IPO4: variants seen among roughly 807,000 people sequenced by gnomAD.
IPO4 encodes the protein importin-4.
In IPO4, 91 loss-of-function variants were observed where a neutral mutation model predicts 133.5. The observed-to-expected ratio is 0.68, with a 90% CI of 0.58 to 0.81. IPO4 has a LOEUF of 0.81. Ranked by LOEUF, IPO4 falls within the 30% of genes least tolerant of loss-of-function variation. The probability of loss-of-function intolerance (pLI) is 0.00; values close to 1 mark genes in which losing one functional copy is unlikely to be tolerated. For missense variants in IPO4, 1,279 were observed against 1,386.2 expected (o/e 0.92, Z 1.23); for synonymous variants, 607 against 581.6 (o/e 1.04, Z -0.63).
intron 4 of IPO4, 24 bp from the exon 5 acceptor site, chr14:24,187,820 C>A: frequency 6.2e-7 from 1 of 1,613,546 alleles, no homozygotes; most frequent in Non-Finnish European, 8.5e-7. Context: ...AGATCTCCTC[C>A]AATCACCCTT....
chr14:24,180,425 T>C lies in IPO4; in HGVS notation c.*17A>G, dbSNP rs765224477. ...TGGGCAGGCTCTATTCTCTCTGGAC[T>C]GGCTGCAGCCTGCAGTCTAGGAGAG... On this transcript the variant is annotated 3_prime_UTR_variant, in exon 30 of 30. Transcript: ENST00000354464. The C allele has an allele frequency of 3.4e-5, 54 of 1,600,684 alleles. No individual in the cohort carries two copies. Among genetic ancestry groups the C allele is most frequent in the Non-Finnish European group, 8.5e-7 (1 of 1,170,364 alleles).
In IPO4 at chr14:24,182,476, C is replaced by A. The variant is rs536920964; in HGVS notation, c.2473-73G>T. The A allele has an allele frequency of 2.6e-6, 4 of 1,552,304 alleles. No homozygotes were observed. In the South Asian group the frequency reaches 4.7e-5, roughly 18 times the overall value. ...TGTACACCTCCCTCCCACGCTCTGC[C>A]ACCAGCTGCAGGGGTCCCTGGGGCT... On this transcript the variant is annotated intron_variant, in intron 24 of 29. Coordinates refer to ENST00000354464, the MANE Select transcript of IPO4 (RefSeq NM_024658.4).
In IPO4 at chr14:24,183,051, A is replaced by T. The variant is rs764297005; in HGVS notation, c.2346T>A (p.Cys782Ter). ...CAGGGGGCTTCAGTGTGAGGGTCCC[A>T]CAGCTGCGGAGCACCCCTGTCAGGG... ...LEALTGVLRS[C>*]GTLTLKPPGR... Residue 782 changes from cysteine (C) to a stop codon, truncating the protein, a stop_gained, in exon 23 of 30, where the codon TGT (cysteine) becomes TGA (stop). Coordinates refer to ENST00000354464, the MANE Select transcript of IPO4 (RefSeq NM_024658.4). LOFTEE classifies it high-confidence loss of function. 9 of 1,613,798 alleles carry T rather than the reference A, an allele frequency of 5.6e-6. No individual in the cohort carries two copies. The highest frequency in any genetic ancestry group is 7.6e-6 in the Non-Finnish European group (9 of 1,180,026).
chr14:24,180,288 G>T lies in IPO4; in HGVS notation c.*154C>A, dbSNP rs1318315735. 6.6e-7 allele frequency: 1 copy of T among 1,523,420 alleles called. No individual in the cohort carries two copies. The highest frequency in any genetic ancestry group is 1.4e-5 in the African/African-American group (1 of 72,796). The allele number at this position is 1,523,420 out of a possible 1,614,324, so 94.4% of individuals were successfully genotyped here. On this transcript the variant is annotated 3_prime_UTR_variant, in exon 30 of 30. Transcript: ENST00000354464. Reference sequence around the variant, plus strand: ...TCATGACTCATTTGTAACAGATCCAGCCTCAGGGACAGCCCTGTAAGGCAG... The same window carrying T: ...TCATGACTCATTTGTAACAGATCCATCCTCAGGGACAGCCCTGTAAGGCAG...
intron 10 of IPO4, 27 bp downstream of exon 10, chr14:24,186,260 C>A: frequency 6.2e-7 from 1 of 1,602,432 alleles, no homozygotes; most frequent in South Asian, 1.1e-5. Context: ...CTAACACCTT[C>A]CCCCTCTGTC....
In IPO4 at chr14:24,187,841, C is replaced by T. The variant is rs372075099; in HGVS notation, c.279-45G>A. 5 of 1,609,556 alleles carry T rather than the reference C, an allele frequency of 3.1e-6. No individual in the cohort carries two copies. The East Asian group carries it at 8.9e-5, about 29-fold the overall frequency. On this transcript the variant is annotated intron_variant, in intron 4 of 29. Transcript: ENST00000354464. ...CCTCCAATCACCCTTCAATACCTTC[C>T]TCTGCACACAGTGGCCAGGCTCAAT...
chr14:24,183,460 A>T lies in IPO4; in HGVS notation c.2117T>A (p.Leu706Gln). The part of the protein sequence containing the change: ...ESVFEEVFKL[L>Q]ECPHLNVRKA... Reference sequence around the variant, plus strand: ...TCCACCCGCCGGCCCGCTCACCTCCAGCAGTTTAAATACTTCTTCAAAGAC... The same window carrying T: ...TCCACCCGCCGGCCCGCTCACCTCCTGCAGTTTAAATACTTCTTCAAAGAC... The change falls in exon 21 of 30, where the codon CTG (leucine) becomes CAG (glutamine). Residue 706 changes from leucine to glutamine, a missense_variant. This residue lies in a region of IPO4 where 575 missense variants were observed against 653.4 expected (regional missense o/e 0.88). Transcript: ENST00000354464. 6.2e-7 allele frequency: 1 copy of T among 1,611,754 alleles called. No homozygotes were observed. Among genetic ancestry groups the T allele is most frequent in the Non-Finnish European group, 8.5e-7 (1 of 1,178,724 alleles).
In IPO4 at chr14:24,187,576, C is replaced by T. The variant is rs750022783; in HGVS notation, c.412G>A (p.Gly138Arg). The T allele has an allele frequency of 1.1e-5, 17 of 1,614,028 alleles. No individual in the cohort carries two copies. The highest frequency in any genetic ancestry group is 1.4e-5 in the Non-Finnish European group (16 of 1,180,044). The part of the protein sequence containing the change: ...HSPHSPEREM[G>R]LLLLSVVVTS... Reference sequence around the variant, plus strand: ...ACCACCACACTTAGCAGCAAAAGCCCCATCTGTCCAAGAATAGAGGATGGG... The same window carrying T: ...ACCACCACACTTAGCAGCAAAAGCCTCATCTGTCCAAGAATAGAGGATGGG... Residue 138 changes from glycine (G) to arginine (R), a missense_variant, in exon 6 of 30, where the codon GGG (glycine) becomes AGG (arginine). Physicochemically the swap from Gly to Arg is moderately radical, Grantham distance 125. Around this residue, in one of 3 missense-constraint regions of IPO4, gnomAD observed 695 missense variants for 704.1 expected, o/e 0.99. Coordinates refer to ENST00000354464, the MANE Select transcript of IPO4 (RefSeq NM_024658.4).
chr14:24,182,374 G>C lies in IPO4; in HGVS notation c.2502C>G (p.His834Gln). The change falls in exon 25 of 30, where the codon CAC (histidine) becomes CAG (glutamine). Residue 834 changes from histidine (H) to glutamine (Q), a missense_variant. By Grantham distance (24) the His-to-Gln change is conservative. Coordinates refer to ENST00000354464, the MANE Select transcript of IPO4 (RefSeq NM_024658.4). ...CCAGGGCAGGGATGGCCTCTCCAGCGTGCTCCAGCAACATGGCGTCGTATT... is the reference window on the plus strand; with the variant it reads ...CCAGGGCAGGGATGGCCTCTCCAGCCTGCTCCAGCAACATGGCGTCGTATT... ...QAEYDAMLLE[H>Q]AGEAIPALAA... is the part of the protein sequence containing the mutation. The C allele has an allele frequency of 1.2e-6, 2 of 1,613,212 alleles. No individual in the cohort carries two copies. Among genetic ancestry groups the C allele is most frequent in the Non-Finnish European group, 1.7e-6 (2 of 1,179,654 alleles).
At position 24,181,863 on chromosome 14, in the gene IPO4, T is replaced by C. The variant is rs2039142582; in HGVS notation, c.2808-20A>G. ...AAGTGTCTGGTCCACAGTCAAGGAATGGCCACACGCTCAGGTAGACCTTGC... is the reference window on the plus strand; with the variant it reads ...AAGTGTCTGGTCCACAGTCAAGGAACGGCCACACGCTCAGGTAGACCTTGC... On this transcript the variant is annotated intron_variant, in intron 26 of 29. Coordinates refer to ENST00000354464, the MANE Select transcript of IPO4 (RefSeq NM_024658.4). The C allele has an allele frequency of 1.2e-6, 2 of 1,600,430 alleles. No individual in the cohort carries two copies. Among genetic ancestry groups the C allele is most frequent in the African/African-American group, 2.7e-5 (2 of 74,864 alleles).
intron 24 of IPO4, 91 bp downstream of exon 24, chr14:24,182,701 G>A: frequency 4.2e-6 from 6 of 1,424,994 alleles, no homozygotes. Context: ...GGCCCTGGCT[G>A]CCCCAGGCCA....
chr14:24,183,195 C>A, intron 22 of IPO4, 26 bp from the exon 23 acceptor site: 1 of 1,610,188 alleles, frequency 6.2e-7, no homozygotes, highest in Non-Finnish European at 8.5e-7. Context: ...GCTGAAGCAC[C>A]AGTCAGGCCC....
intron 12 of IPO4, 113 bp from the exon 13 acceptor site, chr14:24,185,680 G>T (rs1370790677): frequency 9.3e-7 from 1 of 1,076,600 alleles, no homozygotes; most frequent in Non-Finnish European, 1.4e-6. Flanking sequence ...GTCACCAGAG[G>T]GTGGGCAGCA....
In IPO4 at chr14:24,182,062, C is replaced by A; in HGVS notation, c.2700G>T (p.Leu900=). Residue 900 remains leucine (L), a synonymous_variant, in exon 26 of 30, where the codon CTG becomes CTT. Transcript: ENST00000354464. The part of the protein sequence containing the change: ...GAASAQFVSR[L]LPVLLSTAQE... Reference sequence around the variant, plus strand: ...GGGCGGTGCTCAACAGCACAGGGAGCAGCCGAGACACAAACTGGGCTGAGG... The same window carrying A: ...GGGCGGTGCTCAACAGCACAGGGAGAAGCCGAGACACAAACTGGGCTGAGG... The A allele has an allele frequency of 6.2e-7, 1 of 1,613,764 alleles. No individual in the cohort carries two copies. Among genetic ancestry groups the A allele is most frequent in the Middle Eastern group, 1.6e-4 (1 of 6,062 alleles).
rs2039164734 is a variant in IPO4 at position 24,183,039 on chromosome 14, T to A, written c.2358A>T (p.Thr786=). 1 of 1,613,666 alleles carries A rather than the reference T, an allele frequency of 6.2e-7. No homozygotes were observed. The highest frequency in any genetic ancestry group is 1.3e-5 in the African/African-American group (1 of 74,914). ...CAGCGAGGCGCCCAGGGGGCTTCAGTGTGAGGGTCCCACAGCTGCGGAGCA... is the reference window on the plus strand; with the variant it reads ...CAGCGAGGCGCCCAGGGGGCTTCAGAGTGAGGGTCCCACAGCTGCGGAGCA... ...TGVLRSCGTL[T]LKPPGRLAEL... is the part of the protein sequence containing the mutation. Residue 786 remains threonine (T), a synonymous_variant, in exon 23 of 30, where the codon ACA becomes ACT. Coordinates refer to ENST00000354464, the MANE Select transcript of IPO4 (RefSeq NM_024658.4).
At position 24,183,477 on chromosome 14, in the gene IPO4, T is replaced by G. The variant is rs778973526; in HGVS notation, c.2100A>C (p.Glu700Asp). 3 of 1,613,390 alleles carry G rather than the reference T, an allele frequency of 1.9e-6. No individual in the cohort carries two copies. Among genetic ancestry groups the G allele is most frequent in the Non-Finnish European group, 2.5e-6 (3 of 1,179,682 alleles). ...AFLPYMESVF[E>D]EVFKLLECPH... ...TCACCTCCAGCAGTTTAAATACTTCTTCAAAGACACTTTCCATGTATGGAA... is the reference window on the plus strand; with the variant it reads ...TCACCTCCAGCAGTTTAAATACTTCGTCAAAGACACTTTCCATGTATGGAA... The change falls in exon 21 of 30, where the codon GAA (glutamate) becomes GAC (aspartate). Residue 700 changes from glutamate (E) to aspartate (D), a missense_variant. This residue lies in a region of IPO4 where 575 missense variants were observed against 653.4 expected (regional missense o/e 0.88). Coordinates refer to ENST00000354464, the MANE Select transcript of IPO4 (RefSeq NM_024658.4).
intron 23 of IPO4, 65 bp from the exon 24 acceptor site, chr14:24,182,907 T>C (rs911839154): frequency 6.5e-7 from 1 of 1,531,096 alleles, no homozygotes; most frequent in African/African-American, 1.4e-5. Context: ...GGGTAGGGGG[T>C]GGACTTGTAG....
chr14:24,183,827 G>A lies in IPO4; in HGVS notation c.1941C>T (p.Leu647=), dbSNP rs1594439432. The stretch of plus-strand genomic sequence containing the variant: ...CCTCTTCTTCCACATCCTCATCCAT[G>A]AGCTCCTCCTCTTCTTCCCCATCAC... ...DESDGEEEEE[L]MDEDVEEEDD... is the part of the protein sequence containing the mutation. The change falls in exon 19 of 30, where the codon CTC becomes CTT. Residue 647 remains leucine (L), a synonymous_variant. Coordinates refer to ENST00000354464, the MANE Select transcript of IPO4 (RefSeq NM_024658.4). 1.9e-6 allele frequency: 3 copies of A among 1,613,864 alleles called. No individual in the cohort carries two copies. The African/African-American group carries it at 4.0e-5, about 22-fold the overall frequency.
chr14:24,188,281 T>C (rs1488005145), intron 3 of IPO4, 24 bp from the exon 4 acceptor site: 6 of 1,613,074 alleles, frequency 3.7e-6, no homozygotes, highest in Non-Finnish European at 5.1e-6. Context: ...GGCAGGTGTT[T>C]GGTACCCAGC....
Sources: allele counts gnomAD v4.1 joint callset, GRCh38; gene constraint gnomAD v4.1.1; regional missense constraint gnomAD v4.1.1; transcripts MANE v1.5; gene names NCBI Gene and HGNC (gene_info 2026-07-23, HGNC 2026-07-21).